CARMIL3: variants seen among roughly 807,000 people sequenced by gnomAD.
The protein encoded by CARMIL3 is capping protein regulator and myosin 1 linker 3.
A neutral mutation model predicts 180.8 loss-of-function variants in CARMIL3; 88 were observed. The ratio of observed to expected loss-of-function variants is 0.49; its 90% CI spans 0.41 to 0.58. The LOEUF (loss-of-function observed/expected upper bound fraction) is 0.58. CARMIL3 is among the 20% of genes least tolerant of loss of function. The probability of loss-of-function intolerance (pLI) is 0.00; values close to 1 mark genes in which losing one functional copy is unlikely to be tolerated. For missense variants in CARMIL3, 1,548 were observed against 1,787.0 expected (o/e 0.87, Z 2.41); for synonymous variants, 696 against 714.5 (o/e 0.97, Z 0.41).
At position 24,063,347 on chromosome 14, in the gene CARMIL3, A is replaced by G. The variant is rs751282170; in HGVS notation, c.2793A>G (p.Glu931=). Residue 931 remains glutamate (E), a synonymous_variant, in exon 31 of 40, where the codon GAA becomes GAG. Transcript: ENST00000342740. ...CAGGCGGGAGCCCTCAGGACATGGAAAGCCAACTGGGGAATCTGGGGATCC... is the reference window on the plus strand; with the variant it reads ...CAGGCGGGAGCCCTCAGGACATGGAGAGCCAACTGGGGAATCTGGGGATCC... ...AFISGSPQDM[E]SQLGNLGIPP... 1 of 1,604,284 alleles carries G rather than the reference A, an allele frequency of 6.2e-7. No individual in the cohort carries two copies. The highest frequency in any genetic ancestry group is 8.5e-7 in the Non-Finnish European group (1 of 1,173,420).
chr14:24,068,911 C>G lies in CARMIL3; in HGVS notation c.3927C>G (p.Asn1309Lys). The G allele has an allele frequency of 6.3e-7, 1 of 1,595,876 alleles. No homozygotes were observed. The highest frequency in any genetic ancestry group is 8.5e-7 in the Non-Finnish European group (1 of 1,171,074). ...CTGGAGATGCAGCTCCAGGAGTCAA[C>G]AAACCCCGGCTGAGGCTGAGCTCAC... The part of the protein sequence containing the change: ...AEAGDAAPGV[N>K]KPRLRLSSQQ... Residue 1309 changes from asparagine (N) to lysine (K), a missense_variant, in exon 38 of 40, where the codon AAC (asparagine) becomes AAG (lysine). Physicochemically the swap from Asn to Lys is moderately conservative, Grantham distance 94 (BLOSUM62 0). Coordinates refer to ENST00000342740, the MANE Select transcript of CARMIL3 (RefSeq NM_138360.4).
At chr14:24,066,232 T>C (rs2035785413) in intron 34 of CARMIL3, among the ~76,000 whole-genome samples, 166 bp from the exon 35 acceptor site, 1 of 152,238 alleles carries the variant, frequency 6.6e-6, no homozygotes, top group Admixed American at 6.5e-5. Flanking sequence ...AAGCCATTTC[T>C]TGTGCCCCTG....
rs2035653764 is a variant in CARMIL3 at position 24,054,621 on chromosome 14, C to T, written c.363-90C>T. 14 of 1,501,880 alleles carry T rather than the reference C, an allele frequency of 9.3e-6. No individual in the cohort carries two copies. The highest frequency in any genetic ancestry group is 1.2e-5 in the Non-Finnish European group (13 of 1,096,142). 93.0% of individuals were successfully genotyped at this position (1,501,880 alleles called of 1,614,324 possible). A position where few individuals can be genotyped will look rare whatever the true frequency, so the allele number is the denominator to read the frequency against. On this transcript the variant is annotated intron_variant, in intron 5 of 39. Coordinates refer to ENST00000342740, the MANE Select transcript of CARMIL3 (RefSeq NM_138360.4). This position sits in a 1 kb window ranked among gnomAD's most constrained non-coding sequence, Gnocchi z 5.1. ...AAGGAGAGCTCTCATGTCCCCACTC[C>T]TGGTTTTTCCTGGGATGCAGGAGCT...
At position 24,061,675 on chromosome 14, in the gene CARMIL3, G is replaced by A. The variant is rs748155925; in HGVS notation, c.2480+3G>A. 5 of 1,612,030 alleles carry A rather than the reference G, an allele frequency of 3.1e-6. No individual in the cohort carries two copies. Among genetic ancestry groups the A allele is most frequent in the Non-Finnish European group, 3.4e-6 (4 of 1,178,962 alleles). Reference sequence around the variant, plus strand: ...CAGGACATTCAGAACAAGCTGGAGTGAGAGGCAAAGGGCAGGGCTGGGGCT... The same window carrying A: ...CAGGACATTCAGAACAAGCTGGAGTAAGAGGCAAAGGGCAGGGCTGGGGCT... On this transcript the variant is annotated splice_donor_region_variant and intron_variant, in intron 27 of 39. Coordinates refer to ENST00000342740, the MANE Select transcript of CARMIL3 (RefSeq NM_138360.4). This position sits in a 1 kb window ranked among gnomAD's most constrained non-coding sequence, Gnocchi z 4.1.
Position 24,068,986 on chromosome 14 carries a change from TG to T in CARMIL3, c.3982+26del. On this transcript the variant is annotated intron_variant, in intron 38 of 39. Coordinates refer to ENST00000342740, the MANE Select transcript of CARMIL3 (RefSeq NM_138360.4). ...TCCAAGGTCTGCCACCCTGGCTGAG[TG>T]GGGGGCTCAGGGCACCTCTAGGACT... 2 of 1,542,192 alleles carry T rather than the reference TG, an allele frequency of 1.3e-6. No homozygotes were observed. Among genetic ancestry groups the T allele is most frequent in the Non-Finnish European group, 8.8e-7 (1 of 1,141,570 alleles).
rs1342161097 is a variant in CARMIL3, at chr14:24,059,407, G to C, written c.1764G>C (p.Met588Ile). 6.3e-7 allele frequency: 1 copy of C among 1,596,912 alleles called. No individual in the cohort carries two copies. The change falls in exon 21 of 40, where the codon ATG becomes ATC. Residue 588 changes from methionine to isoleucine, a missense_variant. Coordinates refer to ENST00000342740, the MANE Select transcript of CARMIL3 (RefSeq NM_138360.4). The surrounding 1 kb of genome is among the most constrained non-coding windows in gnomAD (Gnocchi z 6.3). ...GCATGGAGGACATCGGGGCCAAGATGCTGTCTAAGGCCCTGCAGATAAACT... is the reference window on the plus strand; with the variant it reads ...GCATGGAGGACATCGGGGCCAAGATCCTGTCTAAGGCCCTGCAGATAAACT... ...GNGMEDIGAK[M>I]LSKALQINSS...
rs1419112052 is a variant in CARMIL3, at chr14:24,069,243, C to A, written c.4089C>A (p.Pro1363=). The change falls in exon 39 of 40, where the codon CCC becomes CCA. Residue 1363 remains proline (P), a synonymous_variant. Transcript: ENST00000342740. ...LEPDRRRPPD[P]TGTSEPGTD The stretch of plus-strand genomic sequence containing the variant: ...CTGATAGAAGACGGCCTCCTGACCC[C>A]ACAGGTGCTGGTGGTGAGAGGGCAG... The A allele has an allele frequency of 6.2e-7, 1 of 1,614,128 alleles. No homozygotes were observed. Among genetic ancestry groups the A allele is most frequent in the Non-Finnish European group, 8.5e-7 (1 of 1,179,992 alleles).
In CARMIL3 at chr14:24,064,941, A is replaced by G. The variant is rs746826533; in HGVS notation, c.3081-17A>G. The G allele has an allele frequency of 6.2e-7, 1 of 1,605,682 alleles. No homozygotes were observed. The highest frequency in any genetic ancestry group is 8.5e-7 in the Non-Finnish European group (1 of 1,177,586). ...TGCATCTGGCATTTGTTGCTAACTT[A>G]CCCCGATTCTCCCCAGCTACCCCCG... On this transcript the variant is annotated splice_polypyrimidine_tract_variant and intron_variant, in intron 32 of 39. Transcript: ENST00000342740.
chr14:24,056,695 C>T lies in CARMIL3; in HGVS notation c.939C>T (p.Ala313=). Residue 313 remains alanine, a synonymous_variant, in exon 12 of 40, where the codon GCC becomes GCT. Coordinates refer to ENST00000342740, the MANE Select transcript of CARMIL3 (RefSeq NM_138360.4). The part of the protein sequence containing the change: ...GLTKLCLAKT[A]ISPRGLQALG... ...CCAAACTGTGCCTGGCCAAGACTGC[C>T]ATTTCCCCTCGAGGTACTCGCACCA... The T allele has an allele frequency of 6.2e-7, 1 of 1,613,278 alleles. No individual in the cohort carries two copies. Among genetic ancestry groups the T allele is most frequent in the Non-Finnish European group, 8.5e-7 (1 of 1,180,016 alleles).
chr14:24,059,234 G>A lies in CARMIL3; in HGVS notation c.1627-36G>A, dbSNP rs2035704995. On this transcript the variant is annotated intron_variant, in intron 20 of 39. Coordinates refer to ENST00000342740, the MANE Select transcript of CARMIL3 (RefSeq NM_138360.4). The surrounding 1 kb of genome is among the most constrained non-coding windows in gnomAD (Gnocchi z 6.3). Reference sequence around the variant, plus strand: ...AGGGGACCTGCAGTCGGAGGAGGCTGTGGGGACTGGGTCCAACCGCCCCTT... The same window carrying A: ...AGGGGACCTGCAGTCGGAGGAGGCTATGGGGACTGGGTCCAACCGCCCCTT... The A allele has an allele frequency of 1.9e-6, 3 of 1,613,806 alleles. No homozygotes were observed. Among genetic ancestry groups the A allele is most frequent in the Non-Finnish European group, 8.5e-7 (1 of 1,179,948 alleles).
At chr14:24,056,212 A>G (rs1199515318) in intron 10 of CARMIL3, 87 bp from the exon 11 acceptor site, 2 of 1,092,666 alleles carry the variant, frequency 1.8e-6, no homozygotes, top group African/African-American at 3.1e-5. Context: ...AGCCCCAGCC[A>G]GGCAGTCAGG....
Position 24,054,388 on chromosome 14 carries a change from T to TC in CARMIL3, c.247-3dup, listed in dbSNP as rs761424375. Reference sequence around the variant, plus strand: ...GAGTCTGAGGCTCTGACGCTTCGTCTCCCCCAGATCCTGGTGGAGACGGAG... The same window carrying TC: ...GAGTCTGAGGCTCTGACGCTTCGTCTCCCCCCAGATCCTGGTGGAGACGGAG... On this transcript the variant is annotated splice_region_variant and splice_polypyrimidine_tract_variant and intron_variant, in intron 4 of 39. Coordinates refer to ENST00000342740, the MANE Select transcript of CARMIL3 (RefSeq NM_138360.4). The surrounding 1 kb of genome is among the most constrained non-coding windows in gnomAD (Gnocchi z 5.1). 1.2e-6 allele frequency: 2 copies of TC among 1,613,880 alleles called. No homozygotes were observed. Among genetic ancestry groups the TC allele is most frequent in the Non-Finnish European group, 1.7e-6 (2 of 1,179,890 alleles).
At chr14:24,053,672 A>G in intron 1 of CARMIL3, 37 bp from the exon 2 acceptor site, 1 of 1,524,620 alleles carries the variant, frequency 6.6e-7, no homozygotes, top group South Asian at 1.2e-5. Flanking sequence ...TGGCCAGGGT[A>G]AGGTGAAGCT....
In CARMIL3 at chr14:24,059,884, G is replaced by A; in HGVS notation, c.1869-86G>A. 2 of 1,535,994 alleles carry A rather than the reference G, an allele frequency of 1.3e-6. No homozygotes were observed. The highest frequency in any genetic ancestry group is 1.8e-6 in the Non-Finnish European group (2 of 1,111,234). ...TGGAAGACAGAAATGATGAGCAAGG[G>A]GGCTGGAGGGCTGCTCACCAACAGA... On this transcript the variant is annotated intron_variant, in intron 22 of 39. Coordinates refer to ENST00000342740, the MANE Select transcript of CARMIL3 (RefSeq NM_138360.4). This position sits in a 1 kb window ranked among gnomAD's most constrained non-coding sequence, Gnocchi z 6.3.
chr14:24,062,233 T>G lies in CARMIL3; in HGVS notation c.2481-247T>G, dbSNP rs527464830. 72 of 576,788 alleles carry G rather than the reference T, an allele frequency of 1.2e-4. No homozygotes were observed. In the South Asian group the frequency reaches 1.4e-3, roughly 11 times the overall value. 35.7% of individuals were successfully genotyped at this position (576,788 alleles called of 1,614,324 possible). On this transcript the variant is annotated intron_variant, in intron 27 of 39. Transcript: ENST00000342740. The stretch of plus-strand genomic sequence containing the variant: ...GCCTGACCTAGGGCCCCCTTGCTCC[T>G]TCTCCTCGAATTCCTCTTTCCCCAC...
Position 24,055,253 on chromosome 14 carries a change from A to C in CARMIL3, c.548A>C (p.Tyr183Ser). 1 of 1,614,172 alleles carries C rather than the reference A, an allele frequency of 6.2e-7. No homozygotes were observed. Residue 183 changes from tyrosine (Y) to serine (S), a missense_variant, in exon 8 of 40, where the codon TAC (tyrosine) becomes TCC (serine). Transcript: ENST00000342740. ...CTCTCCAAGGATGTGGACACCATCT[A>C]CCATGCTGAAGATAACCGGGAGTTC... ...EEVQWDVDTI[Y>S]HAEDNREFNL...
rs371581189 is a variant in CARMIL3, at chr14:24,063,127, T to C, written c.2714T>C (p.Met905Thr). The change falls in exon 30 of 40, where the codon ATG becomes ACG. Residue 905 changes from methionine (M) to threonine (T), a missense_variant. Transcript: ENST00000342740. ...DDELGTNIDT[M>T]AIKKQKRCRK... ...TCGTCTTCATTTCTGCAGGACACCA[T>C]GGCCATCAAAAAGCAGAAACGCTGC... The C allele has an allele frequency of 1.2e-6, 2 of 1,613,332 alleles. No individual in the cohort carries two copies. Among genetic ancestry groups the C allele is most frequent in the Admixed American group, 1.7e-5 (1 of 60,012 alleles).
At chr14:24,053,031 TCA>T (rs1311388461) in intron 1 of CARMIL3, among the ~76,000 whole-genome samples, 1 of 151,508 alleles carries the variant, frequency 6.6e-6, no homozygotes, top group East Asian at 1.9e-4. Flanking sequence ...AAACACATCT[TCA>T]CAGAGATGGC....
chr14:24,058,843 A>T lies in CARMIL3; in HGVS notation c.1475-47A>T, dbSNP rs750352880. 8 of 1,611,892 alleles carry T rather than the reference A, an allele frequency of 5.0e-6. No homozygotes were observed. The highest frequency in any genetic ancestry group is 1.3e-5 in the African/African-American group (1 of 74,890). ...GCAGAAGCAGCCCTGATGGGACACC[A>T]GTCAGCCTCAGGCCTCCAGGCCAGG... On this transcript the variant is annotated intron_variant, in intron 18 of 39. Transcript: ENST00000342740. This position sits in a 1 kb window ranked among gnomAD's most constrained non-coding sequence, Gnocchi z 6.4.
Sources: gnomAD v4.1 joint callset for allele counts (sites outside exome capture counted in the v4.1 genomes callset) on GRCh38, gnomAD v4.1.1 for gene constraint, Gnocchi (gnomAD v3.1) non-coding constraint, MANE v1.5 for transcripts, NCBI Gene and HGNC (gene_info 2026-07-23, HGNC 2026-07-21) for gene names.